The following GSK3B variants were observed in gnomAD, a reference collection of about 807,000 sequenced individuals.
GSK3B encodes glycogen synthase kinase 3 beta.
Under a neutral mutation model 56.4 loss-of-function variants are expected in GSK3B, and 15 were observed. That is an observed-to-expected ratio of 0.27 (90% CI 0.18 to 0.41). The LOEUF is 0.41. GSK3B is among the 10% of genes least tolerant of loss of function. The pLI is 1.00. For synonymous variants in GSK3B, 181 were observed against 188.9 expected, an observed-to-expected ratio of 0.96 and a Z score of 0.34; for missense variants, 300 against 513.4, an observed-to-expected ratio of 0.58 and a Z score of 4.02.
intron 6 of GSK3B, among the ~76,000 whole-genome samples, chr3:119,909,239 G>C (rs2107450770): frequency 6.6e-6 from 1 of 152,248 alleles, no homozygotes; most frequent in Non-Finnish European, 1.5e-5. Context: ...TCGAACTCCT[G>C]AGTTCAAGTG....
Position 119,968,704 on chromosome 3 carries a change from G to T in GSK3B, c.283-21353C>A, listed in dbSNP as rs549180591. ...AGCAAAATTGTGTAAGATGCAATAT[G>T]CCAAAAAAAAATAAGGGATGTGAAT... On this transcript the variant is annotated intron_variant, in intron 2 of 10. Coordinates refer to ENST00000264235, the MANE Select transcript of GSK3B (RefSeq NM_001146156.2). Among the ~76,000 whole-genome samples the T allele has an allele frequency of 2.3e-3, 350 of 151,760 alleles. 2 individuals are homozygous for T. The highest frequency in any genetic ancestry group is 7.6e-3 in the African/African-American group (314 of 41,430).
intron 1 of GSK3B, among the ~76,000 whole-genome samples, chr3:120,028,336 T>C (rs2107518280): frequency 6.6e-6 from 1 of 152,324 alleles, no homozygotes; most frequent in Middle Eastern, 3.4e-3. Context: ...ATACCATAAC[T>C]AGAACCTGCT....
At chr3:119,964,291 T>C (rs565480647) in intron 2 of GSK3B, among the ~76,000 whole-genome samples, 32 of 152,186 alleles carry the variant, frequency 2.1e-4, no homozygotes, top group Admixed American at 3.3e-4. Context: ...CCAAAAGAAT[T>C]GCAATTAGGG....
chr3:120,014,570 C>T (rs1419000041), intron 1 of GSK3B, among the ~76,000 whole-genome samples: 3 of 152,126 alleles, frequency 2.0e-5, no homozygotes, highest in Non-Finnish European at 4.4e-5. Flanking sequence ...TTGAATCAAT[C>T]AAATCAACCC....
At position 120,093,348 on chromosome 3, in the gene GSK3B, G is replaced by C. The variant is rs1162665263; in HGVS notation, c.87C>G (p.Ser29Arg). The change falls in exon 1 of 11, where the codon AGC (serine) becomes AGG (arginine). Residue 29 changes from serine to arginine, a missense_variant and splice_region_variant. Coordinates refer to ENST00000264235, the MANE Select transcript of GSK3B (RefSeq NM_001146156.2). ...GTGTAAAATAAAACCAATACTCACT[G>C]CTAACTTTCATGCTGCCAAAAGCTG... ...QPSAFGSMKV[S>R]RDKDGSKVTT... 1 of 1,605,676 alleles carries C rather than the reference G, an allele frequency of 6.2e-7. No homozygotes were observed. Among genetic ancestry groups the C allele is most frequent in the Non-Finnish European group, 8.5e-7 (1 of 1,172,362 alleles).
At chr3:119,865,166 A>G (rs567158579) in intron 8 of GSK3B, among the ~76,000 whole-genome samples, 133 of 152,152 alleles carry the variant, frequency 8.7e-4, no homozygotes, top group Non-Finnish European at 1.5e-3. Flanking sequence ...AATATTAAAC[A>G]GTATTGGCAT....
intron 5 of GSK3B, 104 bp from the exon 6 acceptor site, chr3:119,912,914 T>G: frequency 2.0e-6 from 1 of 498,698 alleles, no homozygotes; most frequent in East Asian, 2.9e-5. Flanking sequence ...TTTATAAGAT[T>G]CACATCATTT....
chr3:120,020,747 A>G lies in GSK3B; in HGVS notation c.89-18508T>C, dbSNP rs188929339. ...TTTAAATCAAAAGCTAGAAGTAATT[A>G]AGCTTAGTGAGGAAAATATGTCAAA... On this transcript the variant is annotated intron_variant, in intron 1 of 10. Coordinates refer to ENST00000264235, the MANE Select transcript of GSK3B (RefSeq NM_001146156.2). Among the ~76,000 whole-genome samples, 954 of 152,330 alleles carry G rather than the reference A, an allele frequency of 6.3e-3. 6 individuals carry two copies. Among genetic ancestry groups the G allele is most frequent in the Non-Finnish European group, 0.011 (719 of 68,016 alleles).
chr3:120,002,085 C>T lies in GSK3B; in HGVS notation c.243G>A (p.Leu81=). Residue 81 remains leucine, a synonymous_variant, in exon 2 of 11, where the codon CTG becomes CTA. Coordinates refer to ENST00000264235, the MANE Select transcript of GSK3B (RefSeq NM_001146156.2). ...YQAKLCDSGE[L]VAIKKVLQDK... Reference sequence around the variant, plus strand: ...CCTGCAATACTTTCTTGATGGCGACCAGTTCTCCTGAATCACAAAGTTTGG... The same window carrying T: ...CCTGCAATACTTTCTTGATGGCGACTAGTTCTCCTGAATCACAAAGTTTGG... 6.2e-7 allele frequency: 1 copy of T among 1,604,936 alleles called. No individual in the cohort carries two copies.
intron 2 of GSK3B, among the ~76,000 whole-genome samples, chr3:119,957,648 C>T (rs982442172): frequency 6.6e-6 from 1 of 152,200 alleles, no homozygotes; most frequent in African/African-American, 2.4e-5. Context: ...GAGCTGACCA[C>T]TCTGTTAAGA....
rs1471699490 is a variant in GSK3B, at chr3:119,869,897, T to C, written c.910-6292A>G. Among the ~76,000 whole-genome samples the C allele has an allele frequency of 2.0e-5, 3 of 152,254 alleles. No homozygotes were observed. The East Asian group carries it at 5.8e-4, about 29-fold the overall frequency. On this transcript the variant is annotated intron_variant, in intron 8 of 10. Transcript: ENST00000264235. ...TTCTCTCCCTCACATCATGTGCTGA[T>C]GAAATAGTACTACATGCCTACACAG...
At chr3:119,969,589 C>T (rs771851317) in intron 2 of GSK3B, among the ~76,000 whole-genome samples, 1 of 152,128 alleles carries the variant, frequency 6.6e-6, no homozygotes, top group African/African-American at 2.4e-5. Context: ...GACTTCAAGG[C>T]TTTCTATAAA....
intron 9 of GSK3B, among the ~76,000 whole-genome samples, chr3:119,854,219 G>A (rs189643479): frequency 1.6e-3 from 241 of 152,264 alleles, no homozygotes; most frequent in African/African-American, 4.7e-3. Flanking sequence ...GATGGATTAT[G>A]TTTATTGATT....
rs76239109 is a variant in GSK3B at position 119,941,584 on chromosome 3, G to A, written c.366+5684C>T. Among the ~76,000 whole-genome samples the A allele has an allele frequency of 2.8e-4, 43 of 152,302 alleles. No individual in the cohort carries two copies. The East Asian group carries it at 8.1e-3, about 29-fold the overall frequency. On this transcript the variant is annotated intron_variant, in intron 3 of 10. Coordinates refer to ENST00000264235, the MANE Select transcript of GSK3B (RefSeq NM_001146156.2). ...TATAAAACTCATTCTTTAATTGGTT[G>A]CTATGAGGTTTAAGTGAGTTATAAA...
intron 9 of GSK3B, among the ~76,000 whole-genome samples, chr3:119,854,463 T>C (rs2055988271): frequency 6.6e-6 from 1 of 152,220 alleles, no homozygotes; most frequent in South Asian, 2.1e-4. Context: ...TCCCTCTTTT[T>C]CTATTGACTG....
intron 1 of GSK3B, among the ~76,000 whole-genome samples, chr3:120,028,493 G>A (rs575978250): frequency 9.9e-5 from 15 of 152,244 alleles, no homozygotes; most frequent in Admixed American, 4.6e-4. Context: ...CCTTGTTTAC[G>A]TAAGTCTCCA....
At chr3:120,008,909 G>T (rs146807760) in intron 1 of GSK3B, among the ~76,000 whole-genome samples, 1 of 150,692 alleles carries the variant, frequency 6.6e-6, no homozygotes, top group East Asian at 2.0e-4. Context: ...AACAGAATGG[G>T]AGAAAAATTT....
intron 2 of GSK3B, among the ~76,000 whole-genome samples, chr3:119,980,001 C>A (rs1013966603): frequency 6.6e-6 from 1 of 151,268 alleles, no homozygotes; most frequent in African/African-American, 2.4e-5. Flanking sequence ...AAAAAAAAAA[C>A]GTTATAGCTA....
chr3:119,900,866 A>C (rs988404957), intron 7 of GSK3B, among the ~76,000 whole-genome samples: 1 of 152,138 alleles, frequency 6.6e-6, no homozygotes, highest in African/African-American at 2.4e-5. Context: ...ATAGTATATG[A>C]AAATATTTAT....
Sources: gnomAD v4.1 joint callset for allele counts (sites outside exome capture counted in the v4.1 genomes callset) on GRCh38, gnomAD v4.1.1 for gene constraint, MANE v1.5 for transcripts, NCBI Gene and HGNC (gene_info 2026-07-23, HGNC 2026-07-21) for gene names.